Variants in RALB observed in about 807,000 individuals in gnomAD.
RALB encodes RAS like proto-oncogene B, also known as ras-related protein Ral-B.
A neutral mutation model predicts 21.3 loss-of-function variants in RALB; 16 were observed. That is an observed-to-expected ratio of 0.75 (90% CI 0.51 to 1.14). The LOEUF (loss-of-function observed/expected upper bound fraction) is 1.14, where lower values mean the gene tolerates loss of function less well. Among genes scored for constraint, RALB ranks in the 50% most tolerant of loss-of-function variants. The pLI is 0.00. For missense variants in RALB, 161 were observed against 256.2 expected, an observed-to-expected ratio of 0.63 and a Z score of 2.54; for synonymous variants, 93 against 96.1, an observed-to-expected ratio of 0.97 and a Z score of 0.19.
intron 1 of RALB, among the ~76,000 whole-genome samples, chr2:120,269,420 T>C (rs1036815342): frequency 3.9e-5 from 6 of 152,284 alleles, no homozygotes; most frequent in Non-Finnish European, 7.4e-5. Flanking sequence ...CTGAGCAGGT[T>C]GCTGCTGCTG....
At position 120,240,075 on chromosome 2, in the gene RALB, C is replaced by T. The variant is rs908528316; in HGVS notation, c.-32C>T. 1.2e-5 allele frequency: 16 copies of T among 1,289,358 alleles called. No individual in the cohort carries two copies. In the Admixed American group the frequency reaches 1.6e-4, roughly 13 times the overall value. 79.9% of individuals were successfully genotyped at this position (1,289,358 alleles called of 1,614,324 possible). A position where few individuals can be genotyped will look rare whatever the true frequency, so the allele number is the denominator to read the frequency against. ...GGGTCTCTGTGTGGGATTTCAGCAG[C>T]GGGAGAGCGGGTGGCAGGAGGAGGT... On this transcript the variant is annotated 5_prime_UTR_variant, in exon 1 of 4. Transcript: ENST00000447591.
At chr2:120,246,945 G>T (rs1688981129) in intron 1 of RALB, among the ~76,000 whole-genome samples, 1 of 152,244 alleles carries the variant, frequency 6.6e-6, no homozygotes, top group Non-Finnish European at 1.5e-5. Context: ...GGATGAGGTT[G>T]GCTTCCTGGT....
chr2:120,242,775 A>T (rs1300626159), intron 1 of RALB, among the ~76,000 whole-genome samples: 1 of 152,088 alleles, frequency 6.6e-6, no homozygotes, highest in Non-Finnish European at 1.5e-5. Context: ...TAAAATTAAA[A>T]CAAAACAAAA....
chr2:120,253,091 C>T, intron 1 of RALB, 111 bp downstream of exon 1: 1 of 760,934 alleles, frequency 1.3e-6, no homozygotes, highest in Non-Finnish European at 1.6e-6. Flanking sequence ...TGTGGCCGGG[C>T]GGCGGCAGGA....
At chr2:120,273,387 C>T (rs1054739487) in intron 1 of RALB, among the ~76,000 whole-genome samples, 1 of 152,194 alleles carries the variant, frequency 6.6e-6, no homozygotes, top group Non-Finnish European at 1.5e-5. Flanking sequence ...AAAGACCAAT[C>T]TTAGGTTCTG....
upstream of RALB, among the ~76,000 whole-genome samples, chr2:120,249,214 TA>T (rs1489115519): frequency 6.6e-6 from 1 of 152,102 alleles, no homozygotes; most frequent in Non-Finnish European, 1.5e-5. Context: ...TTTGTATTTT[TA>T]GTAGAGATGG....
At chr2:120,288,190 A>G (rs985364085) in intron 3 of RALB, among the ~76,000 whole-genome samples, 1 of 152,202 alleles carries the variant, frequency 6.6e-6, no homozygotes, top group Non-Finnish European at 1.5e-5. Context: ...TAATGATCAC[A>G]TGACTTCAAA....
At chr2:120,273,406 A>T (rs553721576) in intron 1 of RALB, among the ~76,000 whole-genome samples, 1 of 152,232 alleles carries the variant, frequency 6.6e-6, no homozygotes, top group Admixed American at 6.5e-5. Context: ...TGCAATACTG[A>T]TGTTATCTAT....
upstream of RALB, among the ~76,000 whole-genome samples, chr2:120,249,942 G>C (rs1215102463): frequency 6.6e-6 from 1 of 152,100 alleles, no homozygotes; most frequent in Non-Finnish European, 1.5e-5. Context: ...TCAGGACTTT[G>C]CACAGGCTTA....
chr2:120,268,944 T>A (rs1689575690), intron 1 of RALB, among the ~76,000 whole-genome samples: 1 of 151,962 alleles, frequency 6.6e-6, no homozygotes, highest in Admixed American at 6.5e-5. Context: ...ACAATTTTTT[T>A]AAACAAATGA....
intron 1 of RALB, chr2:120,253,657 C>T (rs1689119730): frequency 2.0e-6 from 2 of 985,390 alleles, no homozygotes; most frequent in Non-Finnish European, 1.2e-6. Flanking sequence ...GCTGCGTCCA[C>T]ACTGCTTGTG....
At chr2:120,270,066 G>A (rs549336758) in intron 1 of RALB, among the ~76,000 whole-genome samples, 6 of 152,032 alleles carry the variant, frequency 3.9e-5, no homozygotes, top group East Asian at 1.9e-4. Flanking sequence ...TTTTTTGCCC[G>A]TTTAAAAAAA....
At chr2:120,267,222 G>A (rs148141523) in intron 1 of RALB, among the ~76,000 whole-genome samples, 11,051 of 152,136 alleles carry the variant, frequency 0.073, 542 homozygotes, top group Non-Finnish European at 0.11. Context: ...GAGGGGGCGC[G>A]TGGGAAGGGA....
chr2:120,288,545 C>A (rs1258303035), intron 3 of RALB, among the ~76,000 whole-genome samples: 1 of 151,778 alleles, frequency 6.6e-6, no homozygotes, highest in Non-Finnish European at 1.5e-5. Flanking sequence ...CAGATCTCTA[C>A]AAAATACATT....
At chr2:120,264,591 C>A (rs376774141) in intron 1 of RALB, among the ~76,000 whole-genome samples, 2 of 152,170 alleles carry the variant, frequency 1.3e-5, no homozygotes, top group African/African-American at 4.8e-5. Context: ...TTTAAAAATT[C>A]TGGTAAAATG....
intron 4 of RALB, among the ~76,000 whole-genome samples, chr2:120,290,632 CT>C (rs34133052): frequency 2.8e-4 from 41 of 148,424 alleles, no homozygotes; most frequent in East Asian, 2.0e-3. Flanking sequence ...TCTGGGATCT[CT>C]TTTTTTTTTT....
At chr2:120,266,157 G>A (rs926102109) in intron 1 of RALB, among the ~76,000 whole-genome samples, 2 of 152,220 alleles carry the variant, frequency 1.3e-5, no homozygotes, top group Non-Finnish European at 2.9e-5. Context: ...GCTCATGCCT[G>A]TAATCCCAAC....
chr2:120,265,686 G>C (rs1287197748), intron 1 of RALB, among the ~76,000 whole-genome samples: 4 of 152,212 alleles, frequency 2.6e-5, no homozygotes, highest in Non-Finnish European at 5.9e-5. Flanking sequence ...TAGGGCTCCA[G>C]TCCCAGCCCT....
intron 1 of RALB, among the ~76,000 whole-genome samples, chr2:120,261,568 A>G (rs747514817): frequency 6.6e-6 from 1 of 152,168 alleles, no homozygotes; most frequent in Non-Finnish European, 1.5e-5. Context: ...GTTTGTGATC[A>G]TAAGTGCATT....
Sources: gnomAD v4.1 joint callset for allele counts (sites outside exome capture counted in the v4.1 genomes callset) on GRCh38, gnomAD v4.1.1 for gene constraint, MANE v1.5 for transcripts, NCBI Gene and HGNC (gene_info 2026-07-23, HGNC 2026-07-21) for gene names.